APBA2: variants seen among roughly 807,000 people sequenced by gnomAD.
APBA2 encodes the protein amyloid-beta A4 precursor protein-binding family A member 2.
A neutral mutation model predicts 75.0 loss-of-function variants in APBA2; 30 were observed. That is an observed-to-expected ratio of 0.40 (90% CI 0.30 to 0.54). The LOEUF (loss-of-function observed/expected upper bound fraction) is 0.54, where lower values mean the gene tolerates loss of function less well. Among genes scored for constraint, APBA2 ranks in the 20% least tolerant of loss-of-function variants. APBA2 has a pLI of 0.49. For missense variants in APBA2, 801 were observed against 1,016.1 expected (o/e 0.79, Z 2.88); for synonymous variants, 444 against 409.6 (o/e 1.08, Z -1.01).
chr15:28,929,184 T>A (rs1045425072), intron 2 of APBA2, among the ~76,000 whole-genome samples: 1 of 152,198 alleles, frequency 6.6e-6, no homozygotes, highest in Admixed American at 6.5e-5. Flanking sequence ...TATTTGATGG[T>A]TTACTCAGTT....
At chr15:28,934,224 A>G (rs1466468505) in intron 2 of APBA2, among the ~76,000 whole-genome samples, 1 of 151,998 alleles carries the variant, frequency 6.6e-6, no homozygotes, top group South Asian at 2.1e-4. Context: ...TGGAGCCAGG[A>G]GGGACTCAGT....
chr15:29,064,874 G>T (rs1176674883), intron 4 of APBA2, among the ~76,000 whole-genome samples: 1 of 152,166 alleles, frequency 6.6e-6, no homozygotes, highest in Non-Finnish European at 1.5e-5. Flanking sequence ...GCCACCTGTT[G>T]GCGGGGTCCC....
intron 2 of APBA2, among the ~76,000 whole-genome samples, chr15:28,979,877 C>T (rs1465526537): frequency 6.6e-6 from 1 of 152,126 alleles, no homozygotes; most frequent in East Asian, 1.9e-4. Flanking sequence ...TGGGTCTTTG[C>T]ATCAGTTATT....
chr15:28,952,284 C>A (rs2035930756), intron 2 of APBA2, among the ~76,000 whole-genome samples: 1 of 152,182 alleles, frequency 6.6e-6, no homozygotes, highest in East Asian at 1.9e-4. Flanking sequence ...AGAGGAATGA[C>A]TTTGAGAGCC....
At chr15:29,106,935 G>A in intron 12 of APBA2, 116 bp downstream of exon 12, 1 of 1,003,632 alleles carries the variant, frequency 1.0e-6, no homozygotes, top group Non-Finnish European at 1.5e-6. Context: ...GGGAAACTGA[G>A]GCCCAGGGAG....
rs890142495 is a variant in APBA2 at position 29,046,720 on chromosome 15, G to T, written c.-40-7125G>T. Among the ~76,000 whole-genome samples the T allele has an allele frequency of 6.6e-6, 1 of 152,230 alleles. No homozygotes were observed. Among genetic ancestry groups the T allele is most frequent in the African/African-American group, 2.4e-5 (1 of 41,458 alleles). On this transcript the variant is annotated intron_variant, in intron 3 of 14. Coordinates refer to ENST00000683413, the MANE Select transcript of APBA2 (RefSeq NM_001353788.2). The surrounding 1 kb of genome is among the most constrained non-coding windows in gnomAD (Gnocchi z 5.0). Reference sequence around the variant, plus strand: ...GGGCCTTGTGCCCACCAAAGTGAGCGAATCACTGCATTGGAGGAGTGACTC... The same window carrying T: ...GGGCCTTGTGCCCACCAAAGTGAGCTAATCACTGCATTGGAGGAGTGACTC...
chr15:29,045,083 C>CTCTCTCTT (rs60342034), intron 3 of APBA2, among the ~76,000 whole-genome samples: 1 of 139,880 alleles, frequency 7.1e-6, no homozygotes, highest in Admixed American at 7.0e-5. Context: ...CTCTCTCTCT[C>CTCTCTCTT]TCTCTCTCTC....
chr15:29,028,242 A>G (rs1463549546), intron 3 of APBA2, among the ~76,000 whole-genome samples: 1 of 151,958 alleles, frequency 6.6e-6, no homozygotes, highest in Non-Finnish European at 1.5e-5. Context: ...TATAAGTGAG[A>G]ACATGTGATG....
intron 2 of APBA2, among the ~76,000 whole-genome samples, chr15:28,930,128 C>T (rs1002356271): frequency 1.3e-5 from 2 of 152,158 alleles, no homozygotes; most frequent in African/African-American, 2.4e-5. Flanking sequence ...GACAGTGCAG[C>T]CCCCCAACCC....
At chr15:28,978,178 G>A (rs1183991988) in intron 2 of APBA2, among the ~76,000 whole-genome samples, 4 of 152,152 alleles carry the variant, frequency 2.6e-5, no homozygotes, top group South Asian at 2.1e-4. Context: ...CCTCTTGGGC[G>A]TTTGCCAAAG....
chr15:29,070,769 T>C (rs2042584531), intron 4 of APBA2: 1 of 260,604 alleles, frequency 3.8e-6, no homozygotes, highest in African/African-American at 2.3e-5. Flanking sequence ...GTTCTGGTGC[T>C]GTAGCGGGTC....
chr15:28,968,300 A>G (rs1449969313), intron 2 of APBA2, among the ~76,000 whole-genome samples: 1 of 152,232 alleles, frequency 6.6e-6, no homozygotes, highest in Non-Finnish European at 1.5e-5. Flanking sequence ...TTTTGGGTGT[A>G]TACTCAGAAG....
intron 4 of APBA2, chr15:29,071,122 T>G (rs1260549411): frequency 1.1e-5 from 5 of 453,210 alleles, no homozygotes; most frequent in Admixed American, 2.4e-5. Context: ...TAGTTTGGTG[T>G]TGTTTCATCC....
intron 2 of APBA2, among the ~76,000 whole-genome samples, chr15:28,949,661 G>A (rs577530261): frequency 1.3e-5 from 2 of 152,280 alleles, no homozygotes; most frequent in East Asian, 3.9e-4. Flanking sequence ...TAGAAACGGG[G>A]TCTCACTGTA....
chr15:29,030,187 C>T (rs139683841), intron 3 of APBA2, among the ~76,000 whole-genome samples: 7 of 152,250 alleles, frequency 4.6e-5, no homozygotes, highest in East Asian at 3.9e-4. Flanking sequence ...TGACCGGGCC[C>T]GGTGGCTCAC....
At chr15:29,084,867 G>C (rs1215694694) in intron 6 of APBA2, among the ~76,000 whole-genome samples, 2 of 152,148 alleles carry the variant, frequency 1.3e-5, no homozygotes, top group Admixed American at 6.5e-5. Flanking sequence ...TGTTTAATGT[G>C]TTCCTCTATT....
At chr15:28,917,554 G>T (rs916298076) in intron 1 of APBA2, among the ~76,000 whole-genome samples, 1 of 151,970 alleles carries the variant, frequency 6.6e-6, no homozygotes, top group Non-Finnish European at 1.5e-5. Flanking sequence ...TGAGCAGAAA[G>T]TTTAGGGAGT....
intron 9 of APBA2, among the ~76,000 whole-genome samples, chr15:29,100,707 C>T (rs2044077223): frequency 6.6e-6 from 1 of 152,216 alleles, no homozygotes; most frequent in South Asian, 2.1e-4. Context: ...CTTTCCTCTT[C>T]TGCACAGCAG....
chr15:28,921,253 G>T, intron 1 of APBA2, among the ~76,000 whole-genome samples: 1 of 152,068 alleles, frequency 6.6e-6, no homozygotes, highest in East Asian at 1.9e-4. Context: ...AATATTAATG[G>T]CACGAGATTT....
Sources: allele counts gnomAD v4.1 joint callset (sites outside exome capture counted in the v4.1 genomes callset), GRCh38; gene constraint gnomAD v4.1.1; non-coding constraint Gnocchi (gnomAD v3.1); transcripts MANE v1.5; gene names NCBI Gene and HGNC (gene_info 2026-07-23, HGNC 2026-07-21).